BPNT2: variants seen among roughly 807,000 people sequenced by gnomAD.
BPNT2 encodes the protein 3'(2'), 5'-bisphosphate nucleotidase 2.
Under a neutral mutation model 29.3 loss-of-function variants are expected in BPNT2, and 11 were observed. The observed-to-expected ratio is 0.38, with a 90% CI of 0.24 to 0.62. The LOEUF (loss-of-function observed/expected upper bound fraction) is 0.62. Among genes scored for constraint, BPNT2 ranks in the 20% least tolerant of loss-of-function variants. The pLI is 0.62. For missense variants in BPNT2, 459 were observed against 473.4 expected (o/e 0.97, Z 0.28); for synonymous variants, 195 against 187.7 (o/e 1.04, Z -0.32).
intron 3 of BPNT2, among the ~76,000 whole-genome samples, chr8:56,972,027 G>A (rs1475559399): frequency 6.8e-6 from 1 of 147,654 alleles, no homozygotes; most frequent in African/African-American, 2.5e-5. Context: ...CCTGGGAGGT[G>A]GAGCCTGCAG....
intron 4 of BPNT2, among the ~76,000 whole-genome samples, chr8:56,965,645 G>A (rs1202480505): frequency 2.0e-5 from 3 of 151,952 alleles, no homozygotes; most frequent in South Asian, 2.1e-4. Flanking sequence ...TTTTATTATC[G>A]GTTTCTTTTC....
chr8:56,966,987 TA>T, intron 3 of BPNT2: 1 of 352,178 alleles, frequency 2.8e-6, no homozygotes, highest in South Asian at 2.2e-5. Flanking sequence ...GAAAAAGCCT[TA>T]GATTTCAAAA....
In BPNT2 at chr8:56,960,003, C is replaced by T. The variant is rs1457519882; in HGVS notation, c.*3790G>A. The T allele has an allele frequency of 6.6e-6, 1 of 152,112 alleles. No homozygotes were observed. The highest frequency in any genetic ancestry group is 2.4e-5 in the African/African-American group (1 of 41,434). The allele number at this position is 152,112 out of a possible 1,614,324, so 9.4% of individuals were successfully genotyped here. ...CAGACCTTTTGTAGGCATATAAATA[C>T]ATCTTAAATTCAATCAAGATCTAAA... is the stretch of plus-strand genomic sequence containing the variant. On this transcript the variant is annotated 3_prime_UTR_variant, in exon 5 of 5. Coordinates refer to ENST00000262644, the MANE Select transcript of BPNT2 (RefSeq NM_017813.5).
intron 1 of BPNT2, among the ~76,000 whole-genome samples, chr8:56,988,722 C>T (rs746923840): frequency 1.3e-5 from 2 of 152,166 alleles, no homozygotes; most frequent in Non-Finnish European, 2.9e-5. Flanking sequence ...CCTTCAGACT[C>T]ATATATTCAA....
At position 56,963,771 on chromosome 8, in the gene BPNT2, T is replaced by C; in HGVS notation, c.*22A>G. The C allele has an allele frequency of 6.2e-7, 1 of 1,613,846 alleles. No individual in the cohort carries two copies. Among genetic ancestry groups the C allele is most frequent in the African/African-American group, 1.3e-5 (1 of 75,058 alleles). ...GCTAACCATTTCAGCTGTGAAGAAC[T>C]GTACCCTGTAATCAGTTATGCTCAT... On this transcript the variant is annotated 3_prime_UTR_variant, in exon 5 of 5. Coordinates refer to ENST00000262644, the MANE Select transcript of BPNT2 (RefSeq NM_017813.5).
rs190251219 is a variant in BPNT2, at chr8:56,980,311, T to C, written c.388-114A>G. On this transcript the variant is annotated intron_variant, in intron 1 of 4. Transcript: ENST00000262644. ...CAAATTATAAATAAGTAAATCCCTA[T>C]TTTTATTTCTTTTGATGCTCCATAT... is the stretch of plus-strand genomic sequence containing the variant. 380 of 811,260 alleles carry C rather than the reference T, an allele frequency of 4.7e-4. 1 individual carries two copies. In the African/African-American group the frequency reaches 5.9e-3, roughly 13 times the overall value. The allele number at this position is 811,260 out of a possible 1,614,324, so 50.3% of individuals were successfully genotyped here.
At chr8:56,968,961 A>G (rs942921864) in intron 3 of BPNT2, among the ~76,000 whole-genome samples, 9 of 152,156 alleles carry the variant, frequency 5.9e-5, no homozygotes, top group Admixed American at 5.9e-4. Context: ...AAATCTAATG[A>G]CTGGTGTCCT....
At chr8:56,971,217 T>C (rs1262315611) in intron 3 of BPNT2, among the ~76,000 whole-genome samples, 1 of 147,128 alleles carries the variant, frequency 6.8e-6, no homozygotes, top group Non-Finnish European at 1.5e-5. Flanking sequence ...GGTATAGTGG[T>C]AAGGCAGAAG....
At chr8:56,982,731 TGGAA>T (rs1480279505) in intron 1 of BPNT2, among the ~76,000 whole-genome samples, 1 of 151,982 alleles carries the variant, frequency 6.6e-6, no homozygotes, top group Non-Finnish European at 1.5e-5. Context: ...TAGAGAGTAG[TGGAA>T]GGGTTATTCT....
At chr8:56,979,677 G>T (rs1035995465) in intron 2 of BPNT2, among the ~76,000 whole-genome samples, 1 of 152,044 alleles carries the variant, frequency 6.6e-6, no homozygotes, top group Non-Finnish European at 1.5e-5. Flanking sequence ...CCTGAGAGGG[G>T]ATCTACAAAA....
chr8:56,967,192 C>T (rs999335422), intron 3 of BPNT2: 3 of 456,096 alleles, frequency 6.6e-6, no homozygotes, highest in African/African-American at 6.0e-5. Flanking sequence ...AGTAATGAAA[C>T]CAGCTGCATC....
rs573000303 is a variant in BPNT2 at position 56,961,941 on chromosome 8, G to C, written c.*1852C>G. On this transcript the variant is annotated 3_prime_UTR_variant, in exon 5 of 5. Transcript: ENST00000262644. ...ATTAAATTCCATTTTTTACTTGCCA[G>C]TCCCATTTCCCTAACTTTGACATAC... 2.0e-5 allele frequency: 3 copies of C among 152,228 alleles called. No homozygotes were observed. The South Asian group carries it at 6.2e-4, about 32-fold the overall frequency. 9.4% of individuals were successfully genotyped at this position (152,228 alleles called of 1,614,324 possible).
At chr8:56,980,414 C>T (rs1186276059) in intron 1 of BPNT2, among the ~76,000 whole-genome samples, 1 of 151,248 alleles carries the variant, frequency 6.6e-6, no homozygotes, top group African/African-American at 2.4e-5. Flanking sequence ...AATATTCAAG[C>T]CTGGTTTGTT....
rs893821599 is a variant in BPNT2 at position 56,960,838 on chromosome 8, G to A, written c.*2955C>T. On this transcript the variant is annotated 3_prime_UTR_variant, in exon 5 of 5. Coordinates refer to ENST00000262644, the MANE Select transcript of BPNT2 (RefSeq NM_017813.5). ...AAGGTGATTTTCCTTTACTTTGTGA[G>A]GAGTCTTTGTAATCTAATAGTGAAC... The A allele has an allele frequency of 1.3e-5, 2 of 152,142 alleles. No individual in the cohort carries two copies. The highest frequency in any genetic ancestry group is 2.1e-4 in the South Asian group (1 of 4,826). The allele number at this position is 152,142 out of a possible 1,614,324, so 9.4% of individuals were successfully genotyped here.
At chr8:56,967,044 A>T (rs1805964433) in intron 3 of BPNT2, 5 of 413,310 alleles carry the variant, frequency 1.2e-5, no homozygotes, top group Non-Finnish European at 1.9e-5. Flanking sequence ...AGATGGCTTC[A>T]GATGATTTTC....
intron 3 of BPNT2, among the ~76,000 whole-genome samples, chr8:56,977,670 A>G (rs1428090384): frequency 2.6e-5 from 4 of 152,154 alleles, no homozygotes; most frequent in Non-Finnish European, 5.9e-5. Context: ...TGGGCGCTGA[A>G]TCCAATATGA....
intron 1 of BPNT2, among the ~76,000 whole-genome samples, chr8:56,987,095 C>A (rs1000264647): frequency 6.6e-6 from 1 of 152,102 alleles, no homozygotes; most frequent in Admixed American, 6.5e-5. Flanking sequence ...TTCAAGGCCC[C>A]CAAACACAAT....
In BPNT2 at chr8:56,961,213, G is replaced by A. The variant is rs1029157112; in HGVS notation, c.*2580C>T. The A allele has an allele frequency of 3.9e-5, 6 of 152,176 alleles. No individual in the cohort carries two copies. The highest frequency in any genetic ancestry group is 1.2e-4 in the African/African-American group (5 of 41,436). 9.4% of individuals were successfully genotyped at this position (152,176 alleles called of 1,614,324 possible). Reference sequence around the variant, plus strand: ...AGAAAAGACCAGGAGCTGGTGAGGTGTGGGTCATTAAAAGCAAAAGGTAAT... The same window carrying A: ...AGAAAAGACCAGGAGCTGGTGAGGTATGGGTCATTAAAAGCAAAAGGTAAT... On this transcript the variant is annotated 3_prime_UTR_variant, in exon 5 of 5. Transcript: ENST00000262644.
intron 3 of BPNT2, among the ~76,000 whole-genome samples, chr8:56,970,365 A>G (rs888612091): frequency 2.8e-4 from 43 of 152,316 alleles, no homozygotes; most frequent in African/African-American, 1.0e-3. Flanking sequence ...ACTTTTTATA[A>G]GAGGATATAA....
Sources: allele counts gnomAD v4.1 joint callset (sites outside exome capture counted in the v4.1 genomes callset), GRCh38; gene constraint gnomAD v4.1.1; transcripts MANE v1.5; gene names NCBI Gene and HGNC (gene_info 2026-07-23, HGNC 2026-07-21).